LRRK2: variants seen among roughly 807,000 people sequenced by gnomAD.
LRRK2 encodes the protein leucine-rich repeat serine/threonine-protein kinase 2.
Under a neutral mutation model 302.6 loss-of-function variants are expected in LRRK2, and 203 were observed. The observed-to-expected ratio is 0.67, with a 90% CI of 0.60 to 0.75. The LOEUF (loss-of-function observed/expected upper bound fraction) is 0.75, where lower values mean the gene tolerates loss of function less well. Ranked by LOEUF, LRRK2 falls within the 30% of genes least tolerant of loss-of-function variation. The pLI is 0.00. For missense variants in LRRK2, 2,830 were observed against 2,951.0 expected, an observed-to-expected ratio of 0.96 and a Z score of 0.95; for synonymous variants, 1,066 against 1,031.9, an observed-to-expected ratio of 1.03 and a Z score of -0.63.
At chr12:40,307,574 A>T (rs1231148177) in intron 28 of LRRK2, among the ~76,000 whole-genome samples, 1 of 151,962 alleles carries the variant, frequency 6.6e-6, no homozygotes, top group Non-Finnish European at 1.5e-5. Context: ...ATATACTATT[A>T]TATGCATATG....
At chr12:40,275,038 T>C in intron 16 of LRRK2, 45 bp downstream of exon 16, 1 of 1,610,530 alleles carries the variant, frequency 6.2e-7, no homozygotes, top group Non-Finnish European at 8.5e-7. Context: ...TGTGCGAATT[T>C]CACTTTTGGA....
chr12:40,321,334 G>A, intron 35 of LRRK2, 146 bp downstream of exon 35: 2 of 799,598 alleles, frequency 2.5e-6, no homozygotes, highest in East Asian at 5.5e-5. Context: ...TGAAGAATTA[G>A]AAAATAAGCT....
intron 2 of LRRK2, among the ~76,000 whole-genome samples, chr12:40,229,531 T>C (rs1459431114): frequency 2.6e-5 from 4 of 152,170 alleles, no homozygotes; most frequent in Admixed American, 2.6e-4. Context: ...AAATTTTACA[T>C]CTCTTTATTC....
intron 14 of LRRK2, among the ~76,000 whole-genome samples, chr12:40,265,434 C>G (rs1449812883): frequency 1.3e-5 from 2 of 152,096 alleles, no homozygotes; most frequent in African/African-American, 2.4e-5. Context: ...CACTTATACC[C>G]TGACAGAATT....
chr12:40,257,465 A>C, intron 12 of LRRK2, 88 bp downstream of exon 12: 1 of 1,487,418 alleles, frequency 6.7e-7, no homozygotes, highest in Non-Finnish European at 9.3e-7. Context: ...AACAATGAAA[A>C]GAAAAAGAAA....
intron 20 of LRRK2, 24 bp downstream of exon 20, chr12:40,287,563 T>G (rs1437275865): frequency 1.2e-6 from 2 of 1,602,870 alleles, no homozygotes; most frequent in East Asian, 2.2e-5. Flanking sequence ...AAAAAAACCC[T>G]TTATGCTTTA....
At position 40,303,407 on chromosome 12, in the gene LRRK2, C is replaced by T. The variant is rs1167237710; in HGVS notation, c.3590+525C>T. On this transcript the variant is annotated intron_variant, in intron 26 of 50. Coordinates refer to ENST00000298910, the MANE Select transcript of LRRK2 (RefSeq NM_198578.4). ...ATCTTAAATGCTATTCTAATTATAT[C>T]ATACATGATAAACCAAATTCATAAA... Among the ~76,000 whole-genome samples, 8 of 152,052 alleles carry T rather than the reference C, an allele frequency of 5.3e-5. No homozygotes were observed. The South Asian group carries it at 1.0e-3, about 20-fold the overall frequency.
At chr12:40,297,501 A>G (rs1440540660) in intron 23 of LRRK2, among the ~76,000 whole-genome samples, 1 of 152,208 alleles carries the variant, frequency 6.6e-6, no homozygotes, top group East Asian at 1.9e-4. Context: ...CTGAAACAAA[A>G]GCAGGAATTT....
intron 14 of LRRK2, among the ~76,000 whole-genome samples, chr12:40,265,483 T>A (rs995281524): frequency 4.6e-5 from 7 of 152,186 alleles, no homozygotes; most frequent in Non-Finnish European, 1.0e-4. Flanking sequence ...CAGCGTAAAT[T>A]GGCACTAGGA....
At chr12:40,300,957 A>C in intron 25 of LRRK2, 1 of 470,838 alleles carries the variant, frequency 2.1e-6, no homozygotes, top group Non-Finnish European at 4.4e-6. Context: ...TCAGTGTGTC[A>C]TCTCAGCTGA....
chr12:40,311,143 A>T (rs1430468969), intron 31 of LRRK2, among the ~76,000 whole-genome samples: 27 of 151,638 alleles, frequency 1.8e-4, no homozygotes, highest in Non-Finnish European at 7.4e-5. Flanking sequence ...TCCCATTCCA[A>T]TTTTTTTCCC....
intron 45 of LRRK2, 129 bp from the exon 46 acceptor site, chr12:40,355,986 G>A (rs1256190026): frequency 1.5e-6 from 1 of 647,232 alleles, no homozygotes; most frequent in Admixed American, 2.8e-5. Flanking sequence ...AATACTCTAA[G>A]AAAAGGGAGG....
At chr12:40,271,037 A>AG (rs1943213241) in intron 14 of LRRK2, among the ~76,000 whole-genome samples, 1 of 152,062 alleles carries the variant, frequency 6.6e-6, no homozygotes, top group African/African-American at 2.4e-5. Context: ...TCGACCTCCC[A>AG]AAGTGCTGAG....
chr12:40,240,734 T>G (rs1380902159), intron 6 of LRRK2, 117 bp downstream of exon 6: 4 of 1,012,652 alleles, frequency 4.0e-6, no homozygotes, highest in Non-Finnish European at 3.0e-6. Context: ...GCTCAACCCA[T>G]TCATTCATTT....
At chr12:40,307,434 T>A (rs1361433771) in intron 28 of LRRK2, among the ~76,000 whole-genome samples, 5 of 152,066 alleles carry the variant, frequency 3.3e-5, no homozygotes, top group African/African-American at 1.2e-4. Context: ...TTAAAGGTGG[T>A]TTTTTAGCTA....
At chr12:40,285,656 A>G (rs1943895293) in intron 19 of LRRK2, among the ~76,000 whole-genome samples, 1 of 152,110 alleles carries the variant, frequency 6.6e-6, no homozygotes, top group African/African-American at 2.4e-5. Context: ...TGTTTATAAT[A>G]GCAAAAGAGT....
chr12:40,340,582 A>G (rs1946009568), intron 41 of LRRK2, 128 bp downstream of exon 41: 1 of 956,664 alleles, frequency 1.0e-6, no homozygotes, highest in Non-Finnish European at 1.7e-6. Context: ...TATTTTGTGA[A>G]AAAATGCAAG....
rs1211427060 is a variant in LRRK2 at position 40,245,741 on chromosome 12, T to C, written c.838+2060T>C. 2.0e-5 allele frequency among the ~76,000 whole-genome samples: 3 copies of C among 152,136 alleles called. No homozygotes were observed. The East Asian group carries it at 5.8e-4, about 29-fold the overall frequency. ...TATTATTATTGTAAATGGTATTTCT[T>C]TTTAAATCATATTTTTGAACTGTGT... On this transcript the variant is annotated intron_variant, in intron 7 of 50. Transcript: ENST00000298910.
intron 14 of LRRK2, among the ~76,000 whole-genome samples, chr12:40,267,005 G>T (rs1211339156): frequency 1.3e-5 from 2 of 150,070 alleles, no homozygotes; most frequent in Non-Finnish European, 3.0e-5. Context: ...GGGGAGGGGG[G>T]ATAGCATTTG....
Sources: gnomAD v4.1 joint callset for allele counts (sites outside exome capture counted in the v4.1 genomes callset) on GRCh38, gnomAD v4.1.1 for gene constraint, MANE v1.5 for transcripts, NCBI Gene and HGNC (gene_info 2026-07-23, HGNC 2026-07-21) for gene names.